Variants in IL1RAPL2 observed in about 807,000 individuals in gnomAD.
IL1RAPL2 encodes X-linked interleukin-1 receptor accessory protein-like 2.
Under a neutral mutation model 44.1 loss-of-function variants are expected in IL1RAPL2, and 3 were observed. The ratio of observed to expected loss-of-function variants is 0.07; its 90% confidence interval spans 0.03 to 0.18. IL1RAPL2 has a LOEUF of 0.18. IL1RAPL2 is among the 10% of genes least tolerant of loss of function. The pLI, the probability that IL1RAPL2 is intolerant of heterozygous loss-of-function variation, is 1.00. For synonymous variants in IL1RAPL2, 181 were observed against 178.8 expected (o/e 1.01, Z -0.10); for missense variants, 391 against 496.4 (o/e 0.79, Z 2.02).
At chrX:104,960,058 T>C (rs1412591214) in intron 2 of IL1RAPL2, among the ~76,000 whole-genome samples, 1 of 112,268 alleles carries the variant, frequency 8.9e-6, no homozygotes. Flanking sequence ...AATACACTTA[T>C]TTATTTTTTA....
chrX:105,597,545 A>C (rs2037220224), intron 6 of IL1RAPL2, among the ~76,000 whole-genome samples: 1 of 111,292 alleles, frequency 9.0e-6, no homozygotes, highest in Non-Finnish European at 1.9e-5. Context: ...AGCAAGAGCC[A>C]GAGAGCGAGG....
At chrX:105,542,306 T>C (rs912610474) in intron 6 of IL1RAPL2, among the ~76,000 whole-genome samples, 2 of 112,268 alleles carry the variant, frequency 1.8e-5, no homozygotes, top group Admixed American at 1.9e-4. Context: ...TATATGATGC[T>C]ACATTTAAAG....
chrX:105,141,243 A>G (rs942958066), intron 2 of IL1RAPL2, among the ~76,000 whole-genome samples: 6 of 111,032 alleles, frequency 5.4e-5, no homozygotes, highest in Admixed American at 9.7e-5. Context: ...CTAGATAGAA[A>G]GGAAGGAGTA....
intron 2 of IL1RAPL2, among the ~76,000 whole-genome samples, chrX:104,662,890 C>T (rs1466600328): frequency 9.0e-6 from 1 of 111,357 alleles, no homozygotes; most frequent in Non-Finnish European, 1.9e-5. Context: ...ATATTCAACC[C>T]AAATTGGGTC....
intron 6 of IL1RAPL2, among the ~76,000 whole-genome samples, chrX:105,691,930 A>G (rs773770631): frequency 2.3e-3 from 255 of 112,029 alleles, no homozygotes; most frequent in African/African-American, 7.8e-3. Flanking sequence ...ACATAGCTGA[A>G]AGAAAATGAG....
intron 6 of IL1RAPL2, among the ~76,000 whole-genome samples, chrX:105,621,460 C>A (rs1264925826): frequency 1.8e-5 from 2 of 111,380 alleles, no homozygotes; most frequent in Non-Finnish European, 3.8e-5. Flanking sequence ...TAAGGCATTG[C>A]GACAAGCTTG....
chrX:105,128,107 C>T (rs758340922), intron 2 of IL1RAPL2, among the ~76,000 whole-genome samples: 1 of 110,616 alleles, frequency 9.0e-6, no homozygotes, highest in South Asian at 3.8e-4. Context: ...TAACATGTAC[C>T]AACCCTTAAG....
At chrX:104,610,401 A>G (rs1929126449) in intron 1 of IL1RAPL2, among the ~76,000 whole-genome samples, 1 of 111,767 alleles carries the variant, frequency 8.9e-6, no homozygotes, top group Non-Finnish European at 1.9e-5. Flanking sequence ...TCAGCCCAAA[A>G]TCTCCTTAAG....
At chrX:105,034,956 C>A (rs1271275927) in intron 2 of IL1RAPL2, among the ~76,000 whole-genome samples, 1 of 111,645 alleles carries the variant, frequency 9.0e-6, no homozygotes, top group African/African-American at 3.3e-5. Context: ...GCCCCTCCCC[C>A]AGCCTGGCTG....
intron 6 of IL1RAPL2, among the ~76,000 whole-genome samples, chrX:105,564,000 A>T (rs766884993): frequency 1.8e-5 from 2 of 111,570 alleles, no homozygotes; most frequent in Non-Finnish European, 3.8e-5. Flanking sequence ...TTTCTTTCTT[A>T]TAGTTCTAGA....
chrX:104,778,713 G>C, intron 2 of IL1RAPL2, among the ~76,000 whole-genome samples: 2 of 108,050 alleles, frequency 1.9e-5, no homozygotes, highest in Non-Finnish European at 3.8e-5. Context: ...ATTATTATTT[G>C]AGATATATAT....
chrX:104,993,885 T>C (rs760754157), intron 2 of IL1RAPL2, among the ~76,000 whole-genome samples: 1 of 112,007 alleles, frequency 8.9e-6, no homozygotes, highest in African/African-American at 3.2e-5. Flanking sequence ...TATGCTATAC[T>C]GTATTACAGT....
intron 7 of IL1RAPL2, among the ~76,000 whole-genome samples, chrX:105,730,244 G>C (rs993048376): frequency 3.6e-5 from 4 of 110,720 alleles, no homozygotes; most frequent in Non-Finnish European, 5.7e-5. Flanking sequence ...CAGACTTTAA[G>C]TCAAAAACAG....
intron 3 of IL1RAPL2, among the ~76,000 whole-genome samples, chrX:105,227,142 A>C (rs182603587): frequency 4.8e-4 from 52 of 108,517 alleles, no homozygotes; most frequent in Non-Finnish European, 8.8e-4. Flanking sequence ...TAATGGGTGC[A>C]GCACACCAGC....
chrX:104,656,120 A>C (rs1360366383), intron 1 of IL1RAPL2, among the ~76,000 whole-genome samples: 1 of 110,854 alleles, frequency 9.0e-6, no homozygotes, highest in Non-Finnish European at 1.9e-5. Context: ...TTTTCAAAAA[A>C]CCAACCCCTG....
intron 2 of IL1RAPL2, among the ~76,000 whole-genome samples, chrX:104,729,615 G>A (rs1931863931): frequency 9.2e-6 from 1 of 109,018 alleles, no homozygotes; most frequent in Admixed American, 9.8e-5. Context: ...CAGCTGCTAA[G>A]CATAGTACCC....
At chrX:105,603,828 A>G (rs527924574) in intron 6 of IL1RAPL2, among the ~76,000 whole-genome samples, 83 of 112,016 alleles carry the variant, frequency 7.4e-4, no homozygotes, top group Middle Eastern at 4.7e-3. Flanking sequence ...TCAGGCCACA[A>G]TGGAATAAAG....
intron 1 of IL1RAPL2, among the ~76,000 whole-genome samples, chrX:104,615,448 A>C (rs1374902859): frequency 1.0e-5 from 1 of 96,209 alleles, no homozygotes; most frequent in African/African-American, 4.1e-5. Flanking sequence ...CTCATTGTTC[A>C]GCTCCCACTT....
At chrX:105,041,900 G>C (rs1227574173) in intron 2 of IL1RAPL2, among the ~76,000 whole-genome samples, 188 of 110,871 alleles carry the variant, frequency 1.7e-3, no homozygotes, top group African/African-American at 5.3e-3. Context: ...TGGAACAGAA[G>C]AGAGCCCTCA....
Sources: allele counts gnomAD v4.1 joint callset (sites outside exome capture counted in the v4.1 genomes callset), GRCh38; gene constraint gnomAD v4.1.1; transcripts MANE v1.5; gene names NCBI Gene and HGNC (gene_info 2026-07-23, HGNC 2026-07-21).